ZNF354B: variants seen among roughly 807,000 people sequenced by gnomAD.
ZNF354B encodes the protein zinc finger protein 354B.
In ZNF354B, 10 loss-of-function variants were observed where a neutral mutation model predicts 12.9. That is an observed-to-expected ratio of 0.77 (90% CI 0.48 to 1.31). ZNF354B has a LOEUF of 1.31. Ranked by LOEUF, ZNF354B falls within the 40% of genes most tolerant of loss-of-function variation. The probability of loss-of-function intolerance (pLI) is 0.00; values close to 1 mark genes in which losing one functional copy is unlikely to be tolerated. For synonymous variants in ZNF354B, 260 were observed against 243.7 expected (o/e 1.07, Z -0.62); for missense variants, 614 against 711.7 (o/e 0.86, Z 1.56).
chr5:178,872,056 G>A (rs1482968235), intron 4 of ZNF354B, among the ~76,000 whole-genome samples: 1 of 152,160 alleles, frequency 6.6e-6, no homozygotes, highest in Non-Finnish European at 1.5e-5. Context: ...TGAAGATACA[G>A]AAAAATCCCT....
At chr5:178,866,393 AAC>A (rs559424801) in intron 3 of ZNF354B, 23 bp downstream of exon 3, 5 of 1,598,200 alleles carry the variant, frequency 3.1e-6, no homozygotes, top group Non-Finnish European at 3.4e-6. Context: ...CCCCTCTAGA[AAC>A]AGAATTCAAA....
chr5:178,864,779 C>T lies in ZNF354B; in HGVS notation c.34-1465C>T, dbSNP rs765693699. On this transcript the variant is annotated intron_variant, in intron 2 of 4. Transcript: ENST00000322434. ...CTGGGATTACAGGCACATGCCACCA[C>T]GCCCGGCTAATTTTTTGTATTTTTG... 5.3e-5 allele frequency among the ~76,000 whole-genome samples: 8 copies of T among 152,068 alleles called. No individual in the cohort carries two copies. In the South Asian group the frequency reaches 8.3e-4, roughly 16 times the overall value.
chr5:178,867,310 T>C (rs1254849528), intron 4 of ZNF354B, among the ~76,000 whole-genome samples: 4 of 152,234 alleles, frequency 2.6e-5, no homozygotes, highest in Non-Finnish European at 1.5e-5. Context: ...TGTATTTGCA[T>C]GTATTCATTC....
chr5:178,874,190 C>T (rs1757602640), intron 4 of ZNF354B, among the ~76,000 whole-genome samples: 2 of 152,170 alleles, frequency 1.3e-5, no homozygotes. Context: ...CTCCTGGCCT[C>T]AAGTGATCCA....
At chr5:178,867,992 A>G (rs1401425714) in intron 4 of ZNF354B, among the ~76,000 whole-genome samples, 9 of 152,196 alleles carry the variant, frequency 5.9e-5, no homozygotes, top group African/African-American at 1.2e-4. Context: ...AGCAATTGCA[A>G]TCATGGAGGG....
At position 178,882,770 on chromosome 5, in the gene ZNF354B, G is replaced by C. The variant is rs1410525590; in HGVS notation, c.318G>C (p.Gln106His). The change falls in exon 5 of 5, where the codon CAG becomes CAC. Residue 106 changes from glutamine (Q) to histidine (H), a missense_variant. Transcript: ENST00000322434. Reference sequence around the variant, plus strand: ...AAACTCAGGATTCATTTCAGGAGCAGATAAGGAAAAGATTGAAAAGGGATG... The same window carrying C: ...AAACTCAGGATTCATTTCAGGAGCACATAAGGAAAAGATTGAAAAGGGATG... ...STQTQDSFQE[Q>H]IRKRLKRDEP... The C allele has an allele frequency of 6.9e-6, 11 of 1,589,182 alleles. No homozygotes were observed. Among genetic ancestry groups the C allele is most frequent in the East Asian group, 2.2e-5 (1 of 44,574 alleles).
intron 4 of ZNF354B, among the ~76,000 whole-genome samples, chr5:178,874,338 C>T (rs935461422): frequency 6.6e-6 from 1 of 152,176 alleles, no homozygotes; most frequent in African/African-American, 2.4e-5. Flanking sequence ...ATGTGCTTTC[C>T]AAGTTACTTG....
intron 1 of ZNF354B, chr5:178,860,604 G>A (rs2114002738): frequency 5.5e-6 from 1 of 180,256 alleles, no homozygotes; most frequent in East Asian, 1.9e-4. Context: ...GTCGTCCCGG[G>A]GCCGTCGTGG....
chr5:178,881,664 G>A (rs1757719799), intron 4 of ZNF354B, among the ~76,000 whole-genome samples: 1 of 151,898 alleles, frequency 6.6e-6, no homozygotes, highest in Admixed American at 6.6e-5. Context: ...TCATTCTCTG[G>A]ACTGTTTTTT....
At chr5:178,869,936 G>A (rs1009714982) in intron 4 of ZNF354B, among the ~76,000 whole-genome samples, 1 of 152,108 alleles carries the variant, frequency 6.6e-6, no homozygotes, top group African/African-American at 2.4e-5. Context: ...TCCCATGAGT[G>A]CTCACTTCAT....
intron 2 of ZNF354B, 79 bp from the exon 3 acceptor site, chr5:178,866,157 TTTCACGGG>T (rs1345661558): frequency 3.2e-6 from 5 of 1,553,396 alleles, no homozygotes; most frequent in Non-Finnish European, 4.3e-6. Flanking sequence ...ATGAGAAGTG[TTTCACGGG>T]TAGCGTGTCT....
In ZNF354B at chr5:178,884,141, A is replaced by G. The variant is rs1561672359; in HGVS notation, c.1689A>G (p.Ser563=). The G allele has an allele frequency of 1.2e-6, 2 of 1,614,110 alleles. No individual in the cohort carries two copies. Among genetic ancestry groups the G allele is most frequent in the Non-Finnish European group, 1.7e-6 (2 of 1,179,976 alleles). Residue 563 remains serine, a synonymous_variant, in exon 5 of 5, where the codon TCA becomes TCG. Coordinates refer to ENST00000322434, the MANE Select transcript of ZNF354B (RefSeq NM_058230.3). ...NTCGKTFRQS[S]SLIAHQRIHT... ...GTGGAAAAACTTTTAGACAAAGCTC[A>G]TCACTTATTGCACATCAAAGAATTC...
intron 4 of ZNF354B, among the ~76,000 whole-genome samples, chr5:178,881,020 T>G (rs1757708814): frequency 6.6e-6 from 1 of 151,754 alleles, no homozygotes; most frequent in Non-Finnish European, 1.5e-5. Flanking sequence ...TTTTTGTTAT[T>G]TTTAGTAGAG....
rs895895826 is a variant in ZNF354B, at chr5:178,869,339, A to T, written c.256+2268A>T. On this transcript the variant is annotated intron_variant, in intron 4 of 4. Coordinates refer to ENST00000322434, the MANE Select transcript of ZNF354B (RefSeq NM_058230.3). ...ATGATAGCTTGAACTTTTTTTTTTAAAAAGGGGAACCACACTTGTGTTTTT... is the reference window on the plus strand; with the variant it reads ...ATGATAGCTTGAACTTTTTTTTTTATAAAGGGGAACCACACTTGTGTTTTT... Among the ~76,000 whole-genome samples, 2 of 152,092 alleles carry T rather than the reference A, an allele frequency of 1.3e-5. 1 individual carries two copies. Among genetic ancestry groups the T allele is most frequent in the Non-Finnish European group, 2.9e-5 (2 of 68,004 alleles).
intron 4 of ZNF354B, among the ~76,000 whole-genome samples, chr5:178,879,613 C>T (rs952495327): frequency 6.6e-6 from 1 of 150,742 alleles, no homozygotes; most frequent in Non-Finnish European, 1.5e-5. Context: ...TCCTGACCTC[C>T]TGTGATCTGC....
Position 178,884,964 on chromosome 5 carries a change from A to G in ZNF354B, c.*673A>G, listed in dbSNP as rs1757780536. ...AACTACCTCTTAGTGCCTGGAATTT[A>G]CCTTTTCCTGACTTACTGTCAAACT... On this transcript the variant is annotated 3_prime_UTR_variant, in exon 5 of 5. Coordinates refer to ENST00000322434, the MANE Select transcript of ZNF354B (RefSeq NM_058230.3). The G allele has an allele frequency of 6.6e-6, 1 of 152,206 alleles. No homozygotes were observed. The highest frequency in any genetic ancestry group is 2.4e-5 in the African/African-American group (1 of 41,456). 9.4% of individuals were successfully genotyped at this position (152,206 alleles called of 1,614,324 possible).
chr5:178,872,347 G>A (rs986345052), intron 4 of ZNF354B, among the ~76,000 whole-genome samples: 3 of 151,964 alleles, frequency 2.0e-5, no homozygotes, highest in South Asian at 2.1e-4. Context: ...TTGCTGAGTC[G>A]TGTTCCATAG....
chr5:178,869,344 G>A (rs568041750), intron 4 of ZNF354B, among the ~76,000 whole-genome samples: 1 of 152,234 alleles, frequency 6.6e-6, no homozygotes, highest in Admixed American at 6.5e-5. Flanking sequence ...TTTTAAAAAG[G>A]GGAACCACAC....
At chr5:178,881,178 G>A (rs1490130927) in intron 4 of ZNF354B, among the ~76,000 whole-genome samples, 1 of 152,100 alleles carries the variant, frequency 6.6e-6, no homozygotes, top group Non-Finnish European at 1.5e-5. Flanking sequence ...CTGTTCCAGT[G>A]ATTATCTACC....
Sources: gnomAD v4.1 joint callset for allele counts (sites outside exome capture counted in the v4.1 genomes callset) on GRCh38, gnomAD v4.1.1 for gene constraint, MANE v1.5 for transcripts, NCBI Gene and HGNC (gene_info 2026-07-23, HGNC 2026-07-21) for gene names.